The following LSAMP variants were observed in gnomAD, a reference collection of about 807,000 sequenced individuals.
LSAMP encodes limbic system associated membrane protein.
Under a neutral mutation model 38.6 loss-of-function variants are expected in LSAMP, and 7 were observed. The observed-to-expected ratio is 0.18, with a 90% CI of 0.10 to 0.34. LSAMP has a LOEUF of 0.34. Among genes scored for constraint, LSAMP ranks in the 10% least tolerant of loss-of-function variants. The pLI, the probability that LSAMP is intolerant of heterozygous loss-of-function variation, is 1.00. For synonymous variants in LSAMP, 154 were observed against 166.8 expected, an observed-to-expected ratio of 0.92 and a Z score of 0.59; for missense variants, 313 against 420.0, an observed-to-expected ratio of 0.75 and a Z score of 2.23.
chr3:115,915,689 G>T (rs1417370303), intron 3 of LSAMP, among the ~76,000 whole-genome samples: 1 of 151,814 alleles, frequency 6.6e-6, no homozygotes, highest in Non-Finnish European at 1.5e-5. Context: ...CTGGAGTGCA[G>T]TGGCGCAATC....
chr3:116,279,160 G>T (rs2047093782), intron 1 of LSAMP, among the ~76,000 whole-genome samples: 1 of 152,114 alleles, frequency 6.6e-6, no homozygotes. Flanking sequence ...TGTGTCCCTG[G>T]GAAAGAGAGG....
intron 1 of LSAMP, among the ~76,000 whole-genome samples, chr3:116,149,826 G>A (rs2107525686): frequency 6.6e-6 from 1 of 152,040 alleles, no homozygotes; most frequent in Non-Finnish European, 1.5e-5. Context: ...ATGAGTGACT[G>A]GAAGCATTTC....
At chr3:116,172,873 C>A (rs574825153) in intron 1 of LSAMP, among the ~76,000 whole-genome samples, 1 of 151,954 alleles carries the variant, frequency 6.6e-6, no homozygotes, top group East Asian at 1.9e-4. Flanking sequence ...TGTTTCTTTC[C>A]CCTCTTCATG....
intron 1 of LSAMP, among the ~76,000 whole-genome samples, chr3:116,304,780 C>T (rs77163529): frequency 0.013 from 1,996 of 152,050 alleles, 24 homozygotes; most frequent in Non-Finnish European, 0.022. Context: ...ATGGTGCTGA[C>T]GGTATCACAG....
At position 116,014,505 on chromosome 3, in the gene LSAMP, G is replaced by T. The variant is rs1448443077; in HGVS notation, c.514+5010C>A. 2.6e-5 allele frequency among the ~76,000 whole-genome samples: 4 copies of T among 152,188 alleles called. No individual in the cohort carries two copies. The East Asian group carries it at 7.7e-4, about 29-fold the overall frequency. On this transcript the variant is annotated intron_variant, in intron 3 of 6. Coordinates refer to ENST00000490035, the MANE Select transcript of LSAMP (RefSeq NM_002338.5). ...ATAAAAATATTGAAAAATAAAAAAT[G>T]CAAGAGATAAATGAAAGCAATTAAT... is the stretch of plus-strand genomic sequence containing the variant.
chr3:116,244,122 A>G (rs965264075), intron 1 of LSAMP, among the ~76,000 whole-genome samples: 1 of 152,144 alleles, frequency 6.6e-6, no homozygotes, highest in African/African-American at 2.4e-5. Flanking sequence ...ATTTACTTTA[A>G]CACTAATAAG....
chr3:116,049,048 C>G (rs1217241161), intron 2 of LSAMP, among the ~76,000 whole-genome samples: 1 of 152,216 alleles, frequency 6.6e-6, no homozygotes, highest in African/African-American at 2.4e-5. Context: ...AGAACCTCCT[C>G]TAGGTTCACT....
chr3:115,862,969 G>A (rs1181336849), intron 3 of LSAMP, among the ~76,000 whole-genome samples: 1 of 152,284 alleles, frequency 6.6e-6, no homozygotes, highest in African/African-American at 2.4e-5. Context: ...CCTCTCCCAG[G>A]CTGGGCCCAT....
chr3:115,968,196 C>T (rs574517741), intron 3 of LSAMP, among the ~76,000 whole-genome samples: 1 of 152,124 alleles, frequency 6.6e-6, no homozygotes, highest in East Asian at 1.9e-4. Context: ...TGCACTGTGG[C>T]CTAGCTGGTG....
intron 1 of LSAMP, among the ~76,000 whole-genome samples, chr3:116,194,853 T>G (rs1710846956): frequency 6.6e-6 from 1 of 152,210 alleles, no homozygotes; most frequent in South Asian, 2.1e-4. Flanking sequence ...AAAGTAGATT[T>G]GAAAAAACAA....
rs1391784990 is a variant in LSAMP, at chr3:115,810,050, T to A, written c.*267A>T. ...GGTGTAGTCTTTACACAGCATACAT[T>A]TGCTTAGTAGATATAAACATATCCC... is the stretch of plus-strand genomic sequence containing the variant. On this transcript the variant is annotated 3_prime_UTR_variant, in exon 7 of 7. Transcript: ENST00000490035. 16 of 379,018 alleles carry A rather than the reference T, an allele frequency of 4.2e-5. No homozygotes were observed. The highest frequency in any genetic ancestry group is 6.2e-5 in the Non-Finnish European group (13 of 209,210). The allele number at this position is 379,018 out of a possible 1,614,324, so 23.5% of individuals were successfully genotyped here.
At chr3:116,151,080 G>T (rs908280364) in intron 1 of LSAMP, among the ~76,000 whole-genome samples, 1 of 151,904 alleles carries the variant, frequency 6.6e-6, no homozygotes, top group Non-Finnish European at 1.5e-5. Flanking sequence ...AGAACTGTTT[G>T]CCACAGCCCA....
At chr3:115,878,817 C>T (rs1274644020) in intron 3 of LSAMP, among the ~76,000 whole-genome samples, 1 of 151,958 alleles carries the variant, frequency 6.6e-6, no homozygotes, top group African/African-American at 2.4e-5. Flanking sequence ...AATGGTGGCC[C>T]ATGTCACCAA....
At chr3:116,095,594 T>C (rs1708209915) in intron 1 of LSAMP, among the ~76,000 whole-genome samples, 2 of 152,160 alleles carry the variant, frequency 1.3e-5, no homozygotes, top group South Asian at 4.1e-4. Flanking sequence ...CATCTCTACA[T>C]TCACATAGAA....
At chr3:115,928,971 T>TTG (rs1937532842) in intron 3 of LSAMP, among the ~76,000 whole-genome samples, 1 of 74,228 alleles carries the variant, frequency 1.3e-5, no homozygotes, top group Admixed American at 1.7e-4. Context: ...GGTTTTTTGT[T>TTG]TGTTTTTTTT....
intron 1 of LSAMP, among the ~76,000 whole-genome samples, chr3:116,114,696 G>A (rs1444146574): frequency 6.6e-6 from 1 of 152,142 alleles, no homozygotes; most frequent in Admixed American, 6.5e-5. Flanking sequence ...TTATAATCTT[G>A]TGATATCCAC....
intron 1 of LSAMP, among the ~76,000 whole-genome samples, chr3:116,357,044 C>T (rs1002533160): frequency 2.6e-5 from 4 of 152,128 alleles, no homozygotes; most frequent in Non-Finnish European, 4.4e-5. Flanking sequence ...CCACCCGCCT[C>T]GGCCTCCCAA....
intron 1 of LSAMP, among the ~76,000 whole-genome samples, chr3:116,200,846 G>C (rs968207122): frequency 2.6e-5 from 4 of 152,102 alleles, no homozygotes; most frequent in Non-Finnish European, 4.4e-5. Flanking sequence ...CCCCTTTCTT[G>C]TTCTCTTCTA....
intron 2 of LSAMP, among the ~76,000 whole-genome samples, chr3:116,074,689 C>T (rs1036136570): frequency 3.3e-5 from 5 of 152,104 alleles, no homozygotes; most frequent in Admixed American, 2.6e-4. Flanking sequence ...CCTAGTATCA[C>T]TAGTTTTAAA....
Sources: allele counts gnomAD v4.1 joint callset (sites outside exome capture counted in the v4.1 genomes callset), GRCh38; gene constraint gnomAD v4.1.1; transcripts MANE v1.5; gene names NCBI Gene and HGNC (gene_info 2026-07-23, HGNC 2026-07-21).